The following SEMA6A variants were observed in gnomAD, a reference collection of about 807,000 sequenced individuals.
SEMA6A encodes semaphorin 6A, also known as semaphorin-6A.
A neutral mutation model predicts 96.8 loss-of-function variants in SEMA6A; 25 were observed. That is an observed-to-expected ratio of 0.26 (90% CI 0.19 to 0.36). The LOEUF (loss-of-function observed/expected upper bound fraction) is 0.36, where lower values mean the gene tolerates loss of function less well. SEMA6A is among the 10% of genes least tolerant of loss of function. The probability of loss-of-function intolerance (pLI) is 1.00; values close to 1 mark genes in which losing one functional copy is unlikely to be tolerated. For synonymous variants in SEMA6A, 612 were observed against 518.0 expected (o/e 1.18, Z -2.46); for missense variants, 1,363 against 1,323.1 (o/e 1.03, Z -0.47).
At chr5:116,531,200 G>A (rs1217596048) in intron 1 of SEMA6A, among the ~76,000 whole-genome samples, 3 of 152,014 alleles carry the variant, frequency 2.0e-5, no homozygotes, top group East Asian at 1.9e-4. Flanking sequence ...TGGGGGAGGC[G>A]GTGGGGATTG....
chr5:116,480,012 C>G, intron 12 of SEMA6A, 110 bp downstream of exon 12: 1 of 1,290,690 alleles, frequency 7.7e-7, no homozygotes, highest in Non-Finnish European at 1.1e-6. Flanking sequence ...AATGAATGCC[C>G]AGGATAGCAG....
chr5:116,545,626 G>A (rs746954737), intron 1 of SEMA6A, among the ~76,000 whole-genome samples: 40 of 152,274 alleles, frequency 2.6e-4, no homozygotes, highest in Admixed American at 1.7e-3. Context: ...TGTTCCATCT[G>A]CGAGGAGCAC....
chr5:116,473,114 G>A (rs1226144064), intron 16 of SEMA6A, 21 bp from the exon 17 acceptor site: 5 of 1,587,970 alleles, frequency 3.1e-6, no homozygotes, highest in Non-Finnish European at 4.3e-6. Flanking sequence ...AAAGGGAGGA[G>A]AAGGTTACTT....
At chr5:116,491,378 C>G (rs796122262) in intron 7 of SEMA6A, among the ~76,000 whole-genome samples, 44 of 152,118 alleles carry the variant, frequency 2.9e-4, no homozygotes, top group African/African-American at 9.6e-4. Context: ...CAAAGTCCAT[C>G]CTACCTTAAA....
In SEMA6A at chr5:116,447,236, C is replaced by A; in HGVS notation, c.2470G>T (p.Gly824Cys). 2.5e-6 allele frequency: 4 copies of A among 1,614,014 alleles called. No individual in the cohort carries two copies. Among genetic ancestry groups the A allele is most frequent in the Non-Finnish European group, 3.4e-6 (4 of 1,179,898 alleles). The change falls in exon 19 of 19, where the codon GGC becomes TGC. Residue 824 changes from glycine to cysteine, a missense_variant. Gly to Cys is a radical substitution (Grantham distance 159, BLOSUM62 -3). Transcript: ENST00000343348. Reference sequence around the variant, plus strand: ...TGGTCCACGTACTCATGCTGGTAGCCCTGCTGCGTGATGGGCAGGACCACC... The same window carrying A: ...TGGTCCACGTACTCATGCTGGTAGCACTGCTGCGTGATGGGCAGGACCACC... ...SVVVLPITQQ[G>C]YQHEYVDQPK...
At chr5:116,459,078 G>C (rs566412125) in intron 18 of SEMA6A, among the ~76,000 whole-genome samples, 1 of 152,122 alleles carries the variant, frequency 6.6e-6, no homozygotes, top group African/African-American at 2.4e-5. Context: ...GTGGCATCCT[G>C]GATTATATTA....
At chr5:116,466,160 C>T (rs1755734512) in intron 18 of SEMA6A, among the ~76,000 whole-genome samples, 1 of 150,370 alleles carries the variant, frequency 6.7e-6, no homozygotes, top group African/African-American at 2.4e-5. Context: ...CACCTGAGGT[C>T]AGGAGTTCAA....
At chr5:116,542,379 TTA>T (rs1760009743) in intron 1 of SEMA6A, among the ~76,000 whole-genome samples, 1 of 152,192 alleles carries the variant, frequency 6.6e-6, no homozygotes, top group Admixed American at 6.5e-5. Flanking sequence ...CTATTGCACT[TTA>T]TTTCTTCCCA....
chr5:116,541,125 T>A (rs973164305), intron 1 of SEMA6A, among the ~76,000 whole-genome samples: 4 of 152,172 alleles, frequency 2.6e-5, no homozygotes, highest in Admixed American at 2.6e-4. Flanking sequence ...TTCATGTAGA[T>A]CAGCGGTGAT....
intron 18 of SEMA6A, among the ~76,000 whole-genome samples, chr5:116,461,893 C>G (rs1377718573): frequency 6.6e-6 from 1 of 152,072 alleles, no homozygotes; most frequent in Admixed American, 6.6e-5. Context: ...CCAAATTGCA[C>G]CACAGAGCCA....
intron 18 of SEMA6A, among the ~76,000 whole-genome samples, chr5:116,465,968 C>T (rs911351595): frequency 2.0e-5 from 3 of 150,274 alleles, no homozygotes; most frequent in African/African-American, 7.4e-5. Context: ...GTAATCTGTC[C>T]GGACAGTTTC....
rs77419673 is a variant in SEMA6A at position 116,444,056 on chromosome 5, C to T, written c.*2557G>A. 0.023 allele frequency: 3,550 copies of T among 152,078 alleles called. 102 individuals are homozygous for T. Among genetic ancestry groups the T allele is most frequent in the East Asian group, 0.1 (531 of 5,172 alleles). The allele number at this position is 152,078 out of a possible 1,614,324, so 9.4% of individuals were successfully genotyped here. On this transcript the variant is annotated 3_prime_UTR_variant, in exon 19 of 19. Transcript: ENST00000343348. Reference sequence around the variant, plus strand: ...ATGGGTGCTGCACTGCCAGTACTCTCGGGAGTCAAGCATGGGAAAGAAGGG... The same window carrying T: ...ATGGGTGCTGCACTGCCAGTACTCTTGGGAGTCAAGCATGGGAAAGAAGGG...
chr5:116,504,863 T>C lies in SEMA6A; in HGVS notation c.82A>G (p.Ser28Gly). 6.2e-7 allele frequency: 1 copy of C among 1,600,666 alleles called. No homozygotes were observed. Among genetic ancestry groups the C allele is most frequent in the Non-Finnish European group, 8.5e-7 (1 of 1,173,332 alleles). Residue 28 changes from serine to glycine, a missense_variant, in exon 2 of 19, where the codon AGT (serine) becomes GGT (glycine). Coordinates refer to ENST00000343348, the MANE Select transcript of SEMA6A (RefSeq NM_020796.5). ...AGFPEDSEPI[S>G]ISHGNYTKQY... The stretch of plus-strand genomic sequence containing the variant: ...TACTTACAGTTGCCATGCGAAATAC[T>C]GATTGGCTCAGAATCTTCTGGGAAA...
intron 11 of SEMA6A, among the ~76,000 whole-genome samples, chr5:116,481,177 C>T (rs184657036): frequency 2.0e-5 from 3 of 152,158 alleles, no homozygotes; most frequent in African/African-American, 7.2e-5. Flanking sequence ...AAACTCACTG[C>T]CATTAGTAGA....
chr5:116,496,110 T>C, intron 5 of SEMA6A, 141 bp downstream of exon 5: 1 of 699,676 alleles, frequency 1.4e-6, no homozygotes, highest in South Asian at 1.8e-5. Context: ...AATTAAAGCC[T>C]TCAGTAAGTT....
Position 116,486,847 on chromosome 5 carries a change from G to C in SEMA6A, c.864C>G (p.Asp288Glu), listed in dbSNP as rs1470124833. 6 of 1,613,630 alleles carry C rather than the reference G, an allele frequency of 3.7e-6. No individual in the cohort carries two copies. Among genetic ancestry groups the C allele is most frequent in the South Asian group, 3.3e-5 (3 of 91,078 alleles). ...KARLNCSVPG[D>E]SHFYFNILQA... The stretch of plus-strand genomic sequence containing the variant: ...GGAGAATGTTGAAATAAAAATGAGA[G>C]TCTCCAGGAACTGAGCAGTTCAAGC... The change falls in exon 10 of 19, where the codon GAC (aspartate) becomes GAG (glutamate). Residue 288 changes from aspartate to glutamate, a missense_variant. Asp to Glu is a conservative substitution (Grantham distance 45). Transcript: ENST00000343348.
At chr5:116,568,052 T>C (rs1223946595) in intron 1 of SEMA6A, among the ~76,000 whole-genome samples, 1 of 152,216 alleles carries the variant, frequency 6.6e-6, no homozygotes, top group Non-Finnish European at 1.5e-5. Context: ...AATTTGAACA[T>C]ATTATTTAGT....
intron 1 of SEMA6A, among the ~76,000 whole-genome samples, chr5:116,515,851 A>G (rs974632770): frequency 2.6e-5 from 4 of 152,196 alleles, no homozygotes; most frequent in Non-Finnish European, 5.9e-5. Context: ...TACAGAATTA[A>G]TAACAACCTG....
intron 1 of SEMA6A, among the ~76,000 whole-genome samples, chr5:116,541,129 C>G (rs891364447): frequency 6.6e-6 from 1 of 152,054 alleles, no homozygotes; most frequent in African/African-American, 2.4e-5. Context: ...TGTAGATCAG[C>G]GGTGATGGGT....
Sources: gnomAD v4.1 joint callset for allele counts (sites outside exome capture counted in the v4.1 genomes callset) on GRCh38, gnomAD v4.1.1 for gene constraint, MANE v1.5 for transcripts, NCBI Gene and HGNC (gene_info 2026-07-23, HGNC 2026-07-21) for gene names.